The following HSP90AA1 variants were observed in gnomAD, a reference collection of about 807,000 sequenced individuals.
The protein encoded by HSP90AA1 is heat shock protein HSP 90-alpha.
Under a neutral mutation model 73.3 loss-of-function variants are expected in HSP90AA1, and 18 were observed. That is an observed-to-expected ratio of 0.25 (90% CI 0.17 to 0.36). The LOEUF is 0.36. Among genes scored for constraint, HSP90AA1 ranks in the 10% least tolerant of loss-of-function variants. The pLI is 1.00. For synonymous variants in HSP90AA1, 477 were observed against 296.9 expected, an observed-to-expected ratio of 1.61 and a Z score of -6.24; for missense variants, 704 against 874.2, an observed-to-expected ratio of 0.81 and a Z score of 2.45.
At chr14:102,089,554 A>G (rs1318336247), upstream of HSP90AA1, among the ~76,000 whole-genome samples, 1 of 152,140 alleles carries the variant, frequency 6.6e-6, no homozygotes, top group Non-Finnish European at 1.5e-5. Context: ...TCCCTGGCAC[A>G]TCACGGAGCT....
At chr14:102,118,131 C>A (rs2049730201) in intron 1 of HSP90AA1, among the ~76,000 whole-genome samples, 1 of 152,192 alleles carries the variant, frequency 6.6e-6, no homozygotes, top group Non-Finnish European at 1.5e-5. Context: ...AGGATCCAGG[C>A]TGGTAGCATG....
Position 102,100,423 on chromosome 14 carries a change from G to T in HSP90AA1, c.366+1452C>A, listed in dbSNP as rs989849798. On this transcript the variant is annotated intron_variant, in intron 2 of 11. Coordinates refer to the HSP90AA1 transcript ENST00000334701. ...TCAAAAAAACAAAATTTCCAGTCTG[G>T]TTTTTTTTTTTTTTTTTTTGAGATG... Among the ~76,000 whole-genome samples, 6 of 106,308 alleles carry T rather than the reference G, an allele frequency of 5.6e-5. No homozygotes were observed. In the South Asian group the frequency reaches 9.0e-4, roughly 16 times the overall value. The allele number at this position is 106,308 out of a possible 152,430, so 69.7% of individuals were successfully genotyped here.
chr14:102,081,310 C>T lies in HSP90AA1; in HGVS notation c.*402G>A, dbSNP rs2049092603. On this transcript the variant is annotated 3_prime_UTR_variant, in exon 11 of 11. Transcript: ENST00000216281. ...TGTCAACTACAGGGAATGAAAAGTT[C>T]AAAAAGTAGATCCTACAAGATGTAA... is the stretch of plus-strand genomic sequence containing the variant. 3.4e-6 allele frequency: 1 copy of T among 297,900 alleles called. No homozygotes were observed. The highest frequency in any genetic ancestry group is 6.4e-6 in the Non-Finnish European group (1 of 157,094). 18.5% of individuals were successfully genotyped at this position (297,900 alleles called of 1,614,324 possible). A position where few individuals can be genotyped will look rare whatever the true frequency, so the allele number is the denominator to read the frequency against.
intron 3 of HSP90AA1, 139 bp downstream of exon 3, chr14:102,085,619 C>A: frequency 7.3e-7 from 1 of 1,366,068 alleles, no homozygotes; most frequent in Non-Finnish European, 1.0e-6. Flanking sequence ...TGCCATTACA[C>A]TAATTAAGTG....
At chr14:102,094,056 G>A (rs1368623010) in intron 2 of HSP90AA1, among the ~76,000 whole-genome samples, 1 of 152,166 alleles carries the variant, frequency 6.6e-6, no homozygotes, top group Non-Finnish European at 1.5e-5. Flanking sequence ...GGATTTCCAC[G>A]GAGCAACCCA....
At chr14:102,136,731 A>G (rs2050003360) in intron 1 of HSP90AA1, among the ~76,000 whole-genome samples, 1 of 147,930 alleles carries the variant, frequency 6.8e-6, no homozygotes, top group South Asian at 2.1e-4. Context: ...CTACTAAAAA[A>G]TACAAAAATT....
intron 1 of HSP90AA1, among the ~76,000 whole-genome samples, chr14:102,125,209 G>T (rs1001856219): frequency 1.4e-4 from 21 of 152,014 alleles, no homozygotes; most frequent in African/African-American, 5.1e-4. Context: ...GCCTAGGCTG[G>T]TCTCCAACTC....
exon 1 of HSP90AA1, chr14:102,139,295 C>A (rs1476290931): frequency 6.2e-7 from 1 of 1,613,972 alleles, no homozygotes. Flanking sequence ...GCTTCCTGGG[C>A]GGGGATCCAG....
intron 1 of HSP90AA1, among the ~76,000 whole-genome samples, chr14:102,114,135 G>A (rs1014627995): frequency 3.3e-5 from 5 of 152,166 alleles, no homozygotes; most frequent in South Asian, 2.1e-4. Flanking sequence ...GACTACAGGC[G>A]TGCGCTAGCA....
rs149051840 is a variant in HSP90AA1 at position 102,081,481 on chromosome 14, A to G, written c.*231T>C. 6 of 586,012 alleles carry G rather than the reference A, an allele frequency of 1.0e-5. No homozygotes were observed. Among genetic ancestry groups the G allele is most frequent in the Non-Finnish European group, 1.8e-5 (6 of 329,826 alleles). 36.3% of individuals were successfully genotyped at this position (586,012 alleles called of 1,614,324 possible). On this transcript the variant is annotated 3_prime_UTR_variant, in exon 11 of 11. Coordinates refer to ENST00000216281, the MANE Select transcript of HSP90AA1 (RefSeq NM_005348.4). Reference sequence around the variant, plus strand: ...TACGTCTTACAGTGCACGTTACCCCAATCTGTGAAAATAAACCAACATGAA... The same window carrying G: ...TACGTCTTACAGTGCACGTTACCCCGATCTGTGAAAATAAACCAACATGAA...
At chr14:102,088,551 T>G (rs1018577182), upstream of HSP90AA1, among the ~76,000 whole-genome samples, 3 of 152,182 alleles carry the variant, frequency 2.0e-5, no homozygotes, top group South Asian at 2.1e-4. Context: ...GGAAGGAAAC[T>G]AGCAGCCACG....
At chr14:102,087,423 G>T (rs1308069910), upstream of HSP90AA1, among the ~76,000 whole-genome samples, 5 of 151,736 alleles carry the variant, frequency 3.3e-5, no homozygotes, top group African/African-American at 9.7e-5. Flanking sequence ...GGGCGTGGGG[G>T]CCTTTGAAGT....
chr14:102,086,779 G>T (rs982056762), intron 1 of HSP90AA1, among the ~76,000 whole-genome samples: 1 of 151,712 alleles, frequency 6.6e-6, no homozygotes, highest in African/African-American at 2.4e-5. Flanking sequence ...GCCTCGGGGA[G>T]CCCGCGGCCG....
chr14:102,103,929 G>A (rs534287503), intron 1 of HSP90AA1, among the ~76,000 whole-genome samples: 1 of 151,980 alleles, frequency 6.6e-6, no homozygotes, highest in African/African-American at 2.4e-5. Flanking sequence ...ACTTGAACAT[G>A]GGAGGTGGAG....
intron 2 of HSP90AA1, among the ~76,000 whole-genome samples, chr14:102,092,855 ACTCT>A (rs920844665): frequency 6.6e-6 from 1 of 151,766 alleles, no homozygotes; most frequent in Non-Finnish European, 1.5e-5. Flanking sequence ...AGTTCAAGTA[ACTCT>A]CATGCTTCAG....
intron 1 of HSP90AA1, among the ~76,000 whole-genome samples, chr14:102,110,402 T>TTTTGTTTGTTTG (rs144443471): frequency 4.7e-5 from 7 of 149,534 alleles, no homozygotes; most frequent in African/African-American, 1.5e-4. Flanking sequence ...AGGCATTCAG[T>TTTTGTTTGTTTG]TTTGTTTGTT....
At chr14:102,093,502 AT>A (rs966269609) in intron 2 of HSP90AA1, among the ~76,000 whole-genome samples, 16 of 149,466 alleles carry the variant, frequency 1.1e-4, no homozygotes, top group Non-Finnish European at 2.1e-4. Flanking sequence ...AAAAAAAAAA[AT>A]TCTGTCATTT....
At chr14:102,131,551 C>T (rs762928230) in intron 1 of HSP90AA1, among the ~76,000 whole-genome samples, 3 of 152,176 alleles carry the variant, frequency 2.0e-5, no homozygotes, top group Non-Finnish European at 2.9e-5. Context: ...TCTTACTGTT[C>T]CCTGAACACA....
chr14:102,116,238 C>A (rs2049705301), intron 1 of HSP90AA1, among the ~76,000 whole-genome samples: 1 of 151,746 alleles, frequency 6.6e-6, no homozygotes, highest in South Asian at 2.1e-4. Context: ...GAGGCATGAG[C>A]CACTGTGCCC....
Sources: allele counts gnomAD v4.1 joint callset (sites outside exome capture counted in the v4.1 genomes callset), GRCh38; gene constraint gnomAD v4.1.1; transcripts MANE v1.5; gene names NCBI Gene and HGNC (gene_info 2026-07-23, HGNC 2026-07-21).